Variants in TSPAN18 observed in about 807,000 individuals in gnomAD.
TSPAN18 encodes tetraspanin-18.
In TSPAN18, 14 loss-of-function variants were observed where a neutral mutation model predicts 27.3. The ratio of observed to expected loss-of-function variants is 0.51; its 90% CI spans 0.34 to 0.80. The LOEUF is 0.80. Among genes scored for constraint, TSPAN18 ranks in the 30% least tolerant of loss-of-function variants. The pLI, the probability that TSPAN18 is intolerant of heterozygous loss-of-function variation, is 0.01. For missense variants in TSPAN18, 268 were observed against 323.9 expected (o/e 0.83, Z 1.32); for synonymous variants, 143 against 136.5 (o/e 1.05, Z -0.33).
intron 2 of TSPAN18, among the ~76,000 whole-genome samples, chr11:44,824,476 C>T (rs1460984477): frequency 1.3e-5 from 2 of 152,178 alleles, no homozygotes; most frequent in Non-Finnish European, 2.9e-5. Flanking sequence ...GAAAGGAATG[C>T]TTCCCTAGGA....
intron 2 of TSPAN18, among the ~76,000 whole-genome samples, chr11:44,837,412 T>TA (rs1857285271): frequency 6.6e-6 from 1 of 152,248 alleles, no homozygotes; most frequent in Non-Finnish European, 1.5e-5. Flanking sequence ...GATGAGGAGT[T>TA]ACTTCCTATG....
chr11:44,911,656 T>C (rs1234577003), intron 5 of TSPAN18, among the ~76,000 whole-genome samples: 1 of 151,680 alleles, frequency 6.6e-6, no homozygotes, highest in East Asian at 2.0e-4. Flanking sequence ...CCCCAGGGAC[T>C]CATTCATTGT....
intron 2 of TSPAN18, among the ~76,000 whole-genome samples, chr11:44,770,336 T>G (rs1237847548): frequency 6.6e-6 from 1 of 152,094 alleles, no homozygotes; most frequent in African/African-American, 2.4e-5. Context: ...AAGGCCTTCC[T>G]AATCAGATGT....
chr11:44,853,687 C>T (rs909422618), intron 2 of TSPAN18, among the ~76,000 whole-genome samples: 1 of 152,230 alleles, frequency 6.6e-6, no homozygotes, highest in Admixed American at 6.5e-5. Flanking sequence ...TAACCCCCGC[C>T]CCATGCACCT....
At chr11:44,813,907 GC>G (rs1426820370) in intron 2 of TSPAN18, among the ~76,000 whole-genome samples, 4 of 152,196 alleles carry the variant, frequency 2.6e-5, no homozygotes, top group Non-Finnish European at 5.9e-5. Context: ...TAATGCAGGG[GC>G]CAAGATGTAA....
chr11:44,865,685 T>C (rs1858017444), intron 3 of TSPAN18, among the ~76,000 whole-genome samples: 1 of 152,188 alleles, frequency 6.6e-6, no homozygotes, highest in African/African-American at 2.4e-5. Flanking sequence ...TTCTTCTTTT[T>C]TTTCTCTCCT....
chr11:44,743,640 C>T (rs1006769306), intron 1 of TSPAN18, among the ~76,000 whole-genome samples: 2 of 152,218 alleles, frequency 1.3e-5, no homozygotes, highest in African/African-American at 4.8e-5. Context: ...TTTCAAGTTG[C>T]CCTTGGGCAT....
chr11:44,920,801 G>A (rs929285560), intron 8 of TSPAN18, among the ~76,000 whole-genome samples: 3 of 152,226 alleles, frequency 2.0e-5, no homozygotes, highest in Non-Finnish European at 4.4e-5. Flanking sequence ...CACAGCAGGG[G>A]ACAGGAGACA....
chr11:44,807,192 TAAAAAAAAAAAA>T (rs1046665098), intron 2 of TSPAN18, among the ~76,000 whole-genome samples: 11 of 67,328 alleles, frequency 1.6e-4, no homozygotes, highest in African/African-American at 8.2e-4. Context: ...CCCTGTCTCT[TAAAAAAAAAAAA>T]AAAAAAAAAA....
At chr11:44,743,257 CGTCAGGAAAA>C (rs1854989546) in intron 1 of TSPAN18, among the ~76,000 whole-genome samples, 1 of 152,104 alleles carries the variant, frequency 6.6e-6, no homozygotes, top group South Asian at 2.1e-4. Context: ...CCAAGGTTTG[CGTCAGGAAAA>C]GTGTGACATT....
At chr11:44,799,710 G>A (rs556279795) in intron 2 of TSPAN18, among the ~76,000 whole-genome samples, 19 of 152,360 alleles carry the variant, frequency 1.2e-4, no homozygotes, top group South Asian at 1.2e-3. Context: ...ACTGAGGCAT[G>A]AGGAGTGATG....
intron 3 of TSPAN18, among the ~76,000 whole-genome samples, chr11:44,896,750 G>A (rs1859069080): frequency 6.6e-6 from 1 of 152,044 alleles, no homozygotes; most frequent in Non-Finnish European, 1.5e-5. Context: ...CCCCAGCCCT[G>A]CTGTTATCTG....
At position 44,904,356 on chromosome 11, in the gene TSPAN18, G is replaced by A. The variant is rs2279360; in HGVS notation, c.-10-2051G>A. Among the ~76,000 whole-genome samples the A allele has an allele frequency of 9.0e-4, 137 of 152,364 alleles. No individual in the cohort carries two copies. In the East Asian group the frequency reaches 0.023, roughly 26 times the overall value. ...AGCAAGGAGGAGGTGTCCCTTTAGG[G>A]AGGAAAGCCCTCCGGCCCCAGGGCC... On this transcript the variant is annotated intron_variant, in intron 3 of 9. Coordinates refer to ENST00000520358, the MANE Select transcript of TSPAN18 (RefSeq NM_130783.5).
chr11:44,853,238 G>A (rs1394444633), intron 2 of TSPAN18, among the ~76,000 whole-genome samples: 1 of 152,136 alleles, frequency 6.6e-6, no homozygotes, highest in Non-Finnish European at 1.5e-5. Context: ...GGAGGTTATA[G>A]CTGGGGACTG....
chr11:44,786,463 G>A (rs1215546352), intron 2 of TSPAN18, among the ~76,000 whole-genome samples: 2 of 151,274 alleles, frequency 1.3e-5, no homozygotes, highest in African/African-American at 2.5e-5. Context: ...ACTCGGTGAT[G>A]TCCTCAGTGT....
chr11:44,929,584 G>T lies in TSPAN18; in HGVS notation c.*406G>T. On this transcript the variant is annotated 3_prime_UTR_variant, in exon 10 of 10. Coordinates refer to ENST00000520358, the MANE Select transcript of TSPAN18 (RefSeq NM_130783.5). The stretch of plus-strand genomic sequence containing the variant: ...AACAAGGAGGCAAAAGCAAATCTCA[G>T]AGAAGTCATCAAAGCCCAGGGGCTG... 5.2e-6 allele frequency: 1 copy of T among 192,140 alleles called. No individual in the cohort carries two copies. The highest frequency in any genetic ancestry group is 1.1e-5 in the Non-Finnish European group (1 of 93,820). The allele number at this position is 192,140 out of a possible 1,614,324, so 11.9% of individuals were successfully genotyped here. A position where few individuals can be genotyped will look rare whatever the true frequency, so the allele number is the denominator to read the frequency against.
chr11:44,930,769 C>A lies in TSPAN18; in HGVS notation c.*1591C>A. 1 of 450,708 alleles carries A rather than the reference C, an allele frequency of 2.2e-6. No homozygotes were observed. The highest frequency in any genetic ancestry group is 4.6e-6 in the Non-Finnish European group (1 of 218,852). The allele number at this position is 450,708 out of a possible 1,614,324, so 27.9% of individuals were successfully genotyped here. ...ATCCTGATGAGTGATGTCTGCCAGG[C>A]ACCGTAAGTTTGATTAGTGATGTCT... On this transcript the variant is annotated 3_prime_UTR_variant, in exon 10 of 10. Transcript: ENST00000520358.
intron 1 of TSPAN18, among the ~76,000 whole-genome samples, chr11:44,753,333 T>C (rs959687478): frequency 2.0e-5 from 3 of 152,138 alleles, no homozygotes; most frequent in Admixed American, 6.5e-5. Flanking sequence ...GGTTTCACCA[T>C]GTTGGCCAGG....
intron 1 of TSPAN18, among the ~76,000 whole-genome samples, chr11:44,747,934 TC>T (rs1855118242): frequency 6.6e-6 from 1 of 152,086 alleles, no homozygotes; most frequent in South Asian, 2.1e-4. Context: ...CTGTCTCTCA[TC>T]CCCCCAGTTC....
Sources: allele counts gnomAD v4.1 joint callset (sites outside exome capture counted in the v4.1 genomes callset), GRCh38; gene constraint gnomAD v4.1.1; transcripts MANE v1.5; gene names NCBI Gene and HGNC (gene_info 2026-07-23, HGNC 2026-07-21).